The following RBFOX1 variants were observed in gnomAD, a reference collection of about 807,000 sequenced individuals.
RBFOX1 encodes RNA binding fox-1 homolog 1.
RBFOX1 carries 8 observed loss-of-function variants against 57.7 expected under a neutral mutation model. The observed-to-expected ratio is 0.14, with a 90% CI of 0.08 to 0.25. RBFOX1 has a LOEUF of 0.25. Ranked by LOEUF, RBFOX1 falls within the 10% of genes least tolerant of loss-of-function variation. RBFOX1 has a pLI of 1.00. For missense variants in RBFOX1, 611 were observed against 548.5 expected, an observed-to-expected ratio of 1.11 and a Z score of -1.14; for synonymous variants, 326 against 222.4, an observed-to-expected ratio of 1.47 and a Z score of -4.15.
At chr16:6,891,212 G>A (rs1011722730) in intron 3 of RBFOX1, among the ~76,000 whole-genome samples, 2 of 152,152 alleles carry the variant, frequency 1.3e-5, no homozygotes, top group Middle Eastern at 3.2e-3. Context: ...AATATTTGTA[G>A]CAGCTACAAA....
downstream of RBFOX1, among the ~76,000 whole-genome samples, chr16:5,602,745 A>G (rs1205031351): frequency 1.3e-5 from 2 of 152,142 alleles, no homozygotes; most frequent in Admixed American, 1.3e-4. Flanking sequence ...ATATAATATT[A>G]GTAATAATGT....
chr16:7,463,742 C>G (rs1415134010), intron 4 of RBFOX1, among the ~76,000 whole-genome samples: 1 of 152,152 alleles, frequency 6.6e-6, no homozygotes, highest in African/African-American at 2.4e-5. Context: ...GTTCTGCCTA[C>G]TACAATGATC....
At chr16:6,855,202 A>T (rs1319069317) in intron 3 of RBFOX1, among the ~76,000 whole-genome samples, 4 of 152,056 alleles carry the variant, frequency 2.6e-5, no homozygotes, top group Admixed American at 1.3e-4. Context: ...CCAATATAGT[A>T]CCTGGCAAAA....
chr16:5,720,776 C>T (rs1425785334), intron 3 of RBFOX1, among the ~76,000 whole-genome samples: 1 of 152,168 alleles, frequency 6.6e-6, no homozygotes, highest in African/African-American at 2.4e-5. Flanking sequence ...CAGTTCTAGT[C>T]CATTAATCTG....
intron 1 of RBFOX1, among the ~76,000 whole-genome samples, chr16:6,268,060 C>T (rs896425090): frequency 6.6e-6 from 1 of 152,168 alleles, no homozygotes; most frequent in African/African-American, 2.4e-5. Context: ...CACTCTTGGG[C>T]TGAATGTATT....
intron 2 of RBFOX1, among the ~76,000 whole-genome samples, chr16:6,430,838 G>A (rs1445838621): frequency 2.6e-5 from 4 of 151,934 alleles, no homozygotes; most frequent in Non-Finnish European, 4.4e-5. Context: ...GACTAGTCAA[G>A]AAGTTACTGT....
intron 5 of RBFOX1, among the ~76,000 whole-genome samples, chr16:7,539,117 GGAAA>G (rs2082247229): frequency 2.0e-5 from 3 of 152,118 alleles, no homozygotes; most frequent in African/African-American, 7.2e-5. Context: ...CAAGGAGAGG[GGAAA>G]AGACTCCACC....
chr16:7,114,057 C>T (rs1326078271), intron 4 of RBFOX1, among the ~76,000 whole-genome samples: 3 of 152,088 alleles, frequency 2.0e-5, no homozygotes, highest in African/African-American at 7.2e-5. Context: ...GAACTGTCAC[C>T]TCATATTTGG....
intron 3 of RBFOX1, among the ~76,000 whole-genome samples, chr16:6,910,832 G>A (rs2071383243): frequency 6.6e-6 from 1 of 152,184 alleles, no homozygotes; most frequent in Admixed American, 6.5e-5. Context: ...GTATATCTAA[G>A]CTTATATCCA....
chr16:7,488,380 C>T (rs1049106694), intron 4 of RBFOX1, among the ~76,000 whole-genome samples: 1 of 152,160 alleles, frequency 6.6e-6, no homozygotes, highest in Non-Finnish European at 1.5e-5. Context: ...CAACTATGTA[C>T]AGATATATAT....
intron 4 of RBFOX1, among the ~76,000 whole-genome samples, chr16:5,925,433 A>T (rs75813771): frequency 1.3e-5 from 2 of 152,232 alleles, no homozygotes; most frequent in African/African-American, 4.8e-5. Flanking sequence ...GATTGCATTT[A>T]TAAAAGTGTC....
At chr16:6,060,102 G>A (rs1213159626) in intron 1 of RBFOX1, among the ~76,000 whole-genome samples, 1 of 133,724 alleles carries the variant, frequency 7.5e-6, no homozygotes, top group African/African-American at 2.8e-5. Flanking sequence ...GCATCATTTG[G>A]CCCTAAAATT....
Position 6,773,364 on chromosome 16 carries a change from TTG to T in RBFOX1, c.-16+118729_-16+118730del, listed in dbSNP as rs147890940. 2.1e-3 allele frequency among the ~76,000 whole-genome samples: 278 copies of T among 129,710 alleles called. 1 individual carries two copies. The highest frequency in any genetic ancestry group is 7.8e-3 in the African/African-American group (261 of 33,514). The allele number at this position is 129,710 out of a possible 152,430, so 85.1% of individuals were successfully genotyped here. On this transcript the variant is annotated intron_variant, in intron 3 of 15. Coordinates refer to ENST00000550418, the MANE Select transcript of RBFOX1 (RefSeq NM_018723.4). The stretch of plus-strand genomic sequence containing the variant: ...GTGTATGTGTGGATATGGGGTGCAT[TTG>T]TGTGTGTGTGTGTGGGCGTGGGGTA...
intron 4 of RBFOX1, among the ~76,000 whole-genome samples, chr16:7,155,752 CACACACACACACATATATATACAG>C (rs2076985251): frequency 7.3e-6 from 1 of 137,896 alleles, no homozygotes; most frequent in African/African-American, 2.8e-5. Context: ...CACACACACA[CACACACACACACATATATATACAG>C]ACACATATAT....
intron 5 of RBFOX1, among the ~76,000 whole-genome samples, chr16:7,565,090 T>G (rs1160322330): frequency 1.3e-5 from 2 of 152,166 alleles, no homozygotes; most frequent in Non-Finnish European, 2.9e-5. Context: ...ACGAGCCCCG[T>G]TTTGAAGTAG....
intron 3 of RBFOX1, among the ~76,000 whole-genome samples, chr16:6,746,111 G>A (rs988324577): frequency 6.6e-6 from 1 of 152,158 alleles, no homozygotes; most frequent in East Asian, 1.9e-4. Context: ...ATAGCTGAGA[G>A]GAGTTGAAAG....
At chr16:5,348,809 A>G (rs892923465) in intron 1 of RBFOX1, among the ~76,000 whole-genome samples, 1 of 152,228 alleles carries the variant, frequency 6.6e-6, no homozygotes, top group Non-Finnish European at 1.5e-5. Context: ...TTCTTTATGC[A>G]TTAATTTGTC....
At chr16:5,758,863 G>A (rs2053489315) in intron 3 of RBFOX1, among the ~76,000 whole-genome samples, 1 of 152,098 alleles carries the variant, frequency 6.6e-6, no homozygotes, top group Admixed American at 6.5e-5. Flanking sequence ...TCCCACTGTG[G>A]CAAAAGCGTG....
At position 5,277,374 on chromosome 16, in the gene RBFOX1, C is replaced by T. The variant is rs149247630; in HGVS notation, c.219+37269C>T. ...TAAACTGCTCTGGCGATGGGTGTGC[C>T]AAAATTTCAGAGATCACCACTGAAG... On this transcript the variant is annotated intron_variant, in intron 1 of 2. Transcript: ENST00000585867. Among the ~76,000 whole-genome samples the T allele has an allele frequency of 5.9e-5, 9 of 152,002 alleles. No homozygotes were observed. The East Asian group carries it at 1.7e-3, about 29-fold the overall frequency.
Sources: gnomAD v4.1 joint callset for allele counts (sites outside exome capture counted in the v4.1 genomes callset) on GRCh38, gnomAD v4.1.1 for gene constraint, MANE v1.5 for transcripts, NCBI Gene and HGNC (gene_info 2026-07-23, HGNC 2026-07-21) for gene names.